MRTFB: variants seen among roughly 807,000 people sequenced by gnomAD.
MRTFB encodes the protein myocardin-related transcription factor B.
A neutral mutation model predicts 104.2 loss-of-function variants in MRTFB; 29 were observed. The observed-to-expected ratio is 0.28, with a 90% CI of 0.21 to 0.38. The LOEUF is 0.38. Among genes scored for constraint, MRTFB ranks in the 10% least tolerant of loss-of-function variants. The pLI, the probability that MRTFB is intolerant of heterozygous loss-of-function variation, is 1.00. For missense variants in MRTFB, 1,270 were observed against 1,341.6 expected, an observed-to-expected ratio of 0.95 and a Z score of 0.83; for synonymous variants, 535 against 519.5, an observed-to-expected ratio of 1.03 and a Z score of -0.41.
At chr16:14,134,658 G>A (rs2142483007) in intron 2 of MRTFB, among the ~76,000 whole-genome samples, 1 of 152,290 alleles carries the variant, frequency 6.6e-6, no homozygotes, top group African/African-American at 2.4e-5. Flanking sequence ...ACATGTTAAG[G>A]ATTTGGACAA....
At chr16:14,038,384 G>A in the MRTFB span, among the ~76,000 whole-genome samples, 4 of 152,140 alleles carry the variant, frequency 2.6e-5, no homozygotes, top group African/African-American at 7.2e-5. Context: ...TAGAGGCAGA[G>A]GGGACAAGAT....
intron 2 of MRTFB, among the ~76,000 whole-genome samples, chr16:14,098,763 G>A: frequency 6.6e-6 from 1 of 152,094 alleles, no homozygotes; most frequent in East Asian, 1.9e-4. Context: ...TGTTGCATGT[G>A]GTGAAAGATG....
At chr16:14,244,401 T>C (rs2042925340) in intron 10 of MRTFB, among the ~76,000 whole-genome samples, 1 of 152,196 alleles carries the variant, frequency 6.6e-6, no homozygotes, top group Admixed American at 6.5e-5. Context: ...AGATGTCTTA[T>C]CTAGGAATGG....
At chr16:14,153,218 A>T (rs2038702867) in intron 3 of MRTFB, 1 of 152,200 alleles carries the variant, frequency 6.6e-6, no homozygotes, top group East Asian at 1.9e-4. Context: ...TATAAATAAA[A>T]TGTGTATGCT....
At position 14,258,089 on chromosome 16, in the gene MRTFB, C is replaced by T. The variant is rs773906122; in HGVS notation, c.2704-12C>T. The T allele has an allele frequency of 1.9e-6, 3 of 1,612,266 alleles. No individual in the cohort carries two copies. Among genetic ancestry groups the T allele is most frequent in the Non-Finnish European group, 2.5e-6 (3 of 1,178,552 alleles). On this transcript the variant is annotated splice_polypyrimidine_tract_variant and intron_variant, in intron 15 of 16. Coordinates refer to ENST00000571589, the MANE Select transcript of MRTFB (RefSeq NM_001308142.2). ...ATGAAAGAAACCTAATTTGTACTCT[C>T]CTTCATTGTAGATTTCCAACGCTCA...
the MRTFB span, among the ~76,000 whole-genome samples, chr16:14,035,594 C>T: frequency 6.6e-6 from 1 of 152,088 alleles, no homozygotes; most frequent in African/African-American, 2.4e-5. Context: ...TGTTAATCTT[C>T]AATGACTCTA....
At chr16:14,094,265 A>C (rs183762187) in intron 2 of MRTFB, among the ~76,000 whole-genome samples, 1 of 152,196 alleles carries the variant, frequency 6.6e-6, no homozygotes, top group African/African-American at 2.4e-5. Context: ...ATATAACTCA[A>C]AAAGGAGCAT....
chr16:14,134,843 G>A (rs1402032978), intron 2 of MRTFB, among the ~76,000 whole-genome samples: 5 of 152,182 alleles, frequency 3.3e-5, no homozygotes, highest in Non-Finnish European at 7.4e-5. Context: ...TTTGATGTTA[G>A]TCTCTTAAGT....
chr16:14,153,749 C>A (rs1449858005), intron 3 of MRTFB, among the ~76,000 whole-genome samples: 1 of 152,106 alleles, frequency 6.6e-6, no homozygotes, highest in Non-Finnish European at 1.5e-5. Flanking sequence ...ACATATATTT[C>A]TTAAATGACC....
intron 6 of MRTFB, among the ~76,000 whole-genome samples, chr16:14,215,715 A>G (rs1478982347): frequency 6.6e-6 from 1 of 152,210 alleles, no homozygotes; most frequent in African/African-American, 2.4e-5. Context: ...TTGGGGCCAC[A>G]GTTGGTTGTA....
chr16:14,046,770 C>T, the MRTFB span, among the ~76,000 whole-genome samples: 7 of 152,306 alleles, frequency 4.6e-5, no homozygotes, highest in South Asian at 2.1e-4. Flanking sequence ...CCAGAGAACA[C>T]GGCTGCAGAA....
intron 2 of MRTFB, among the ~76,000 whole-genome samples, chr16:14,103,350 A>G (rs1284413803): frequency 2.6e-5 from 4 of 152,192 alleles, no homozygotes; most frequent in African/African-American, 9.7e-5. Flanking sequence ...GAGAGTGATG[A>G]GAATATACAA....
At chr16:14,188,038 A>T (rs2040020466) in intron 3 of MRTFB, among the ~76,000 whole-genome samples, 1 of 152,218 alleles carries the variant, frequency 6.6e-6, no homozygotes, top group Non-Finnish European at 1.5e-5. Flanking sequence ...CTTCTAAAAG[A>T]TAAGAAGAAG....
chr16:14,064,303 T>TGCCCACTTTTTAATG, the MRTFB span, among the ~76,000 whole-genome samples: 11 of 152,220 alleles, frequency 7.2e-5, no homozygotes, highest in Non-Finnish European at 1.3e-4. Flanking sequence ...TCATGTCCAT[T>TGCCCACTTTTTAATG]GCCCACTTTT....
chr16:14,066,331 T>TGG (rs2033528617), upstream of MRTFB, among the ~76,000 whole-genome samples: 1 of 151,872 alleles, frequency 6.6e-6, no homozygotes, highest in Non-Finnish European at 1.5e-5. Context: ...TGGAGTGCAG[T>TGG]CACGCGATCT....
intron 9 of MRTFB, among the ~76,000 whole-genome samples, chr16:14,236,361 C>T (rs990413978): frequency 1.3e-5 from 2 of 152,178 alleles, no homozygotes; most frequent in Non-Finnish European, 2.9e-5. Context: ...TGCACATTCA[C>T]GATTCATTTG....
chr16:14,167,114 A>G (rs2039270484), intron 3 of MRTFB, among the ~76,000 whole-genome samples: 1 of 152,206 alleles, frequency 6.6e-6, no homozygotes, highest in African/African-American at 2.4e-5. Flanking sequence ...GAACTAATTT[A>G]CATTCCCACC....
At chr16:14,109,704 C>G (rs2036174878) in intron 2 of MRTFB, among the ~76,000 whole-genome samples, 1 of 152,122 alleles carries the variant, frequency 6.6e-6, no homozygotes, top group East Asian at 1.9e-4. Flanking sequence ...ACCGTGGAAG[C>G]TATGTTTTTG....
the MRTFB span, among the ~76,000 whole-genome samples, chr16:14,029,514 T>C: frequency 1.8e-3 from 208 of 112,608 alleles, 2 homozygotes; most frequent in South Asian, 0.012. Flanking sequence ...CACATATATA[T>C]ACACACACAC....
Sources: gnomAD v4.1 joint callset for allele counts (sites outside exome capture counted in the v4.1 genomes callset) on GRCh38, gnomAD v4.1.1 for gene constraint, MANE v1.5 for transcripts, NCBI Gene and HGNC (gene_info 2026-07-23, HGNC 2026-07-21) for gene names.